Variants in SHMT1 observed in about 807,000 individuals in gnomAD.
SHMT1 encodes the protein serine hydroxymethyltransferase, cytosolic.
In SHMT1, 45 loss-of-function variants were observed where a neutral mutation model predicts 49.0. The observed-to-expected ratio is 0.92, with a 90% CI of 0.72 to 1.18. The LOEUF (loss-of-function observed/expected upper bound fraction) is 1.18, where lower values mean the gene tolerates loss of function less well. Among genes scored for constraint, SHMT1 ranks in the 50% most tolerant of loss-of-function variants. SHMT1 has a pLI of 0.00. For synonymous variants in SHMT1, 232 were observed against 246.6 expected, an observed-to-expected ratio of 0.94 and a Z score of 0.55; for missense variants, 541 against 612.4, an observed-to-expected ratio of 0.88 and a Z score of 1.23.
At chr17:18,357,071 G>A (rs1986303545) in intron 1 of SHMT1, among the ~76,000 whole-genome samples, 1 of 151,844 alleles carries the variant, frequency 6.6e-6, no homozygotes, top group African/African-American at 2.4e-5. Flanking sequence ...CACAAGATCT[G>A]GAGTTGGAGA....
intron 7 of SHMT1, among the ~76,000 whole-genome samples, chr17:18,337,988 C>T (rs1334184021): frequency 1.3e-5 from 2 of 151,836 alleles, no homozygotes; most frequent in Admixed American, 6.6e-5. Context: ...TCTGCCTGGC[C>T]GCCACCCCGT....
At chr17:18,359,232 T>G (rs2688036) in intron 1 of SHMT1, among the ~76,000 whole-genome samples, 1 of 150,656 alleles carries the variant, frequency 6.6e-6, no homozygotes, top group East Asian at 2.0e-4. Flanking sequence ...AGCAAGACTC[T>G]GTCTCCAGGG....
chr17:18,349,818 C>T (rs1010981534), intron 3 of SHMT1, among the ~76,000 whole-genome samples: 2 of 150,710 alleles, frequency 1.3e-5, no homozygotes, highest in Admixed American at 6.6e-5. Context: ...GTCAGGAGTT[C>T]GAGACCAGCC....
chr17:18,333,201 TCAGA>T lies in SHMT1; in HGVS notation c.1015_1018del (p.Ser339ArgfsTer3). 1.2e-6 allele frequency: 2 copies of T among 1,614,016 alleles called. No individual in the cohort carries two copies. The highest frequency in any genetic ancestry group is 8.5e-7 in the Non-Finnish European group (1 of 1,179,894). On this transcript the variant is annotated frameshift_variant, in exon 9 of 12. Coordinates refer to ENST00000316694, the MANE Select transcript of SHMT1 (RefSeq NM_004169.5). LOFTEE classifies it high-confidence loss of function. ...TTTGTAGCCCAGCTCCGTCAGGGCCTCAGACAGAGCCCTGCAGTTGGCCACCACC... is the reference window on the plus strand; with the variant it reads ...TTTGTAGCCCAGCTCCGTCAGGGCCTCAGAGCCCTGCAGTTGGCCACCACC...
intron 8 of SHMT1, among the ~76,000 whole-genome samples, chr17:18,335,066 T>TA (rs1983642214): frequency 6.6e-6 from 1 of 152,218 alleles, no homozygotes; most frequent in Admixed American, 6.5e-5. Flanking sequence ...TGTCCTAAGC[T>TA]ACTTGTACAA....
chr17:18,336,230 TCG>T (rs1598022512), intron 7 of SHMT1, among the ~76,000 whole-genome samples: 1 of 150,886 alleles, frequency 6.6e-6, no homozygotes, highest in East Asian at 2.0e-4. Context: ...TGAGCCAAGA[TCG>T]CGCCAGTGCA....
Position 18,348,430 on chromosome 17 carries a change from C to T in SHMT1, c.253G>A (p.Gly85Arg), listed in dbSNP as rs373431106. 1.7e-5 allele frequency: 27 copies of T among 1,611,796 alleles called. No homozygotes were observed. In the African/African-American group the frequency reaches 2.3e-4, roughly 14 times the overall value. ...TCCAGTTCATCAATAAACTCAGTCC[C>T]GCCATAGTATCTGTGGGAGAAGAGC... is the stretch of plus-strand genomic sequence containing the variant. ...EGYPGQRYYG[G>R]TEFIDELETL... The change falls in exon 4 of 12, where the codon GGG becomes AGG. Residue 85 changes from glycine to arginine, a missense_variant. Transcript: ENST00000316694.
intron 10 of SHMT1, 34 bp downstream of exon 10, chr17:18,330,521 G>A (rs765393371): frequency 1.4e-6 from 2 of 1,385,704 alleles, no homozygotes; most frequent in South Asian, 1.2e-5. Context: ...GCAGATGGGA[G>A]AGGAGTGAAG....
Position 18,340,669 on chromosome 17 carries a change from C to A in SHMT1, c.601+63G>T. Reference sequence around the variant, plus strand: ...CAACAGGGTGCGAACATCTTTCCATCCTCATTCTGTAAGAGGCACCAGGCT... The same window carrying A: ...CAACAGGGTGCGAACATCTTTCCATACTCATTCTGTAAGAGGCACCAGGCT... On this transcript the variant is annotated intron_variant, in intron 6 of 11. Coordinates refer to ENST00000316694, the MANE Select transcript of SHMT1 (RefSeq NM_004169.5). This position sits in a 1 kb window ranked among gnomAD's most constrained non-coding sequence, Gnocchi z 4.5. 6.9e-7 allele frequency: 1 copy of A among 1,440,268 alleles called. No individual in the cohort carries two copies. Among genetic ancestry groups the A allele is most frequent in the African/African-American group, 1.4e-5 (1 of 71,212 alleles). 89.2% of individuals were successfully genotyped at this position (1,440,268 alleles called of 1,614,324 possible). A position where few individuals can be genotyped will look rare whatever the true frequency, so the allele number is the denominator to read the frequency against.
At chr17:18,360,384 CT>C (rs1301543674) in intron 1 of SHMT1, 1 of 152,044 alleles carries the variant, frequency 6.6e-6, no homozygotes, top group Non-Finnish European at 1.5e-5. Flanking sequence ...TGGCAAAACC[CT>C]GTCTCTAAAA....
chr17:18,355,798 G>T, intron 2 of SHMT1, 88 bp downstream of exon 2: 1 of 826,742 alleles, frequency 1.2e-6, no homozygotes, highest in Non-Finnish European at 2.1e-6. Flanking sequence ...TCATTTCAAG[G>T]CTGTCCCTAA....
At chr17:18,361,473 G>A (rs985869451) in intron 1 of SHMT1, among the ~76,000 whole-genome samples, 25 of 144,652 alleles carry the variant, frequency 1.7e-4, no homozygotes, top group Admixed American at 1.4e-3. Context: ...GCTAGACTCC[G>A]TTTCAAAAAA....
intron 1 of SHMT1, among the ~76,000 whole-genome samples, chr17:18,361,812 A>C (rs1312904191): frequency 6.6e-6 from 1 of 151,982 alleles, no homozygotes; most frequent in Non-Finnish European, 1.5e-5. Flanking sequence ...AAAATTGGGA[A>C]TCTTAGGGAC....
chr17:18,348,682 G>C (rs1985366413), intron 3 of SHMT1: 1 of 623,162 alleles, frequency 1.6e-6, no homozygotes, highest in Non-Finnish European at 3.0e-6. Flanking sequence ...TCTATAAAAA[G>C]AGGGGGTTTT....
At chr17:18,336,559 A>G (rs553543804) in intron 7 of SHMT1, among the ~76,000 whole-genome samples, 26 of 150,966 alleles carry the variant, frequency 1.7e-4, no homozygotes, top group African/African-American at 5.1e-4. Flanking sequence ...CCAGCTACTC[A>G]GGAGGCTGAA....
At chr17:18,361,584 G>C (rs938138563) in intron 1 of SHMT1, among the ~76,000 whole-genome samples, 4 of 151,862 alleles carry the variant, frequency 2.6e-5, no homozygotes, top group African/African-American at 7.3e-5. Context: ...TCAGGAGATC[G>C]AGACCATCCT....
intron 7 of SHMT1, among the ~76,000 whole-genome samples, chr17:18,338,623 G>T (rs1381330856): frequency 1.3e-5 from 2 of 152,242 alleles, no homozygotes; most frequent in Non-Finnish European, 2.9e-5. Flanking sequence ...TAGAAAAGGG[G>T]GAAATGTGGG....
intron 9 of SHMT1, chr17:18,330,999 G>A (rs536355648): frequency 5.1e-6 from 2 of 389,620 alleles, no homozygotes; most frequent in East Asian, 1.2e-4. Flanking sequence ...TGATGGTAAA[G>A]GCTCCCCTGA....
chr17:18,355,093 G>T (rs1986104548), intron 2 of SHMT1, among the ~76,000 whole-genome samples: 1 of 133,824 alleles, frequency 7.5e-6, no homozygotes, highest in African/African-American at 2.9e-5. Context: ...AAAAAGGCCG[G>T]GTGCGGTGGC....
Sources: gnomAD v4.1 joint callset for allele counts (sites outside exome capture counted in the v4.1 genomes callset) on GRCh38, gnomAD v4.1.1 for gene constraint, Gnocchi (gnomAD v3.1) non-coding constraint, MANE v1.5 for transcripts, NCBI Gene and HGNC (gene_info 2026-07-23, HGNC 2026-07-21) for gene names.